The following DBNL variants were observed in gnomAD, a reference collection of about 807,000 sequenced individuals.
The protein encoded by DBNL is drebrin like.
A neutral mutation model predicts 62.2 loss-of-function variants in DBNL; 35 were observed. That is an observed-to-expected ratio of 0.56 (90% CI 0.43 to 0.75). The LOEUF is 0.75. DBNL is among the 30% of genes least tolerant of loss of function. The pLI, the probability that DBNL is intolerant of heterozygous loss-of-function variation, is 0.00. For synonymous variants in DBNL, 197 were observed against 218.0 expected (o/e 0.90, Z 0.85); for missense variants, 495 against 578.4 (o/e 0.86, Z 1.48).
At chr7:44,050,391 C>A in intron 2 of DBNL, 111 bp downstream of exon 2, 1 of 1,109,522 alleles carries the variant, frequency 9.0e-7, no homozygotes, top group Non-Finnish European at 1.4e-6. Flanking sequence ...GCTTCCAGTG[C>A]TCACTGGCCA....
In DBNL at chr7:44,059,076, T is replaced by C; in HGVS notation, c.835+93T>C. 7.3e-7 allele frequency: 1 copy of C among 1,373,790 alleles called. No homozygotes were observed. The highest frequency in any genetic ancestry group is 1.0e-6 in the Non-Finnish European group (1 of 979,684). The allele number at this position is 1,373,790 out of a possible 1,614,324, so 85.1% of individuals were successfully genotyped here. ...GGGCTCCCCCAAGGCTAGTGACAGATATATCGGTGACGGGTGAGTGAGTGA... is the reference window on the plus strand; with the variant it reads ...GGGCTCCCCCAAGGCTAGTGACAGACATATCGGTGACGGGTGAGTGAGTGA... On this transcript the variant is annotated intron_variant, in intron 9 of 12. Coordinates refer to ENST00000448521, the MANE Select transcript of DBNL (RefSeq NM_001014436.3). This position sits in a 1 kb window ranked among gnomAD's most constrained non-coding sequence, Gnocchi z 4.1.
Position 44,059,458 on chromosome 7 carries a change from C to G in DBNL, c.931+9C>G. On this transcript the variant is annotated intron_variant, in intron 10 of 12. Coordinates refer to ENST00000448521, the MANE Select transcript of DBNL (RefSeq NM_001014436.3). This position sits in a 1 kb window ranked among gnomAD's most constrained non-coding sequence, Gnocchi z 4.1. ...CTCAAGGCCCAGGGCAGGCAAGGCG[C>G]TTGTCACCCCATGGGGACCCTGGGG... 6.2e-7 allele frequency: 1 copy of G among 1,613,942 alleles called. No individual in the cohort carries two copies. Among genetic ancestry groups the G allele is most frequent in the Non-Finnish European group, 8.5e-7 (1 of 1,179,966 alleles).
At chr7:44,053,700 T>G (rs1019387896) in intron 4 of DBNL, among the ~76,000 whole-genome samples, 4 of 150,764 alleles carry the variant, frequency 2.7e-5, no homozygotes, top group African/African-American at 7.3e-5. Flanking sequence ...TTTTTGAGAC[T>G]GAGTCTCGCT....
Position 44,062,640 on chromosome 7 carries a change from G to T in DBNL, c.*1724G>T. On this transcript the variant is annotated 3_prime_UTR_variant, in exon 13 of 13. Coordinates refer to ENST00000448521, the MANE Select transcript of DBNL (RefSeq NM_001014436.3). ...GGTGACACACGTATGGAGTGGGGGA[G>T]GGTGGGTGGCTGCACCCCTGGTTCT... 2 of 952,512 alleles carry T rather than the reference G, an allele frequency of 2.1e-6. No homozygotes were observed. The highest frequency in any genetic ancestry group is 1.5e-5 in the South Asian group (1 of 68,492). 59.0% of individuals were successfully genotyped at this position (952,512 alleles called of 1,614,324 possible). A position where few individuals can be genotyped will look rare whatever the true frequency, so the allele number is the denominator to read the frequency against.
At position 44,060,947 on chromosome 7, in the gene DBNL, C is replaced by T; in HGVS notation, c.*31C>T. ...AGGGCACATCTTGCCCTTCCCCTCT[C>T]AGACATGGCTTCCTTATTGCTGGAA... On this transcript the variant is annotated 3_prime_UTR_variant, in exon 13 of 13. Transcript: ENST00000448521. The surrounding 1 kb of genome is among the most constrained non-coding windows in gnomAD (Gnocchi z 6.3). 6.2e-7 allele frequency: 1 copy of T among 1,605,344 alleles called. No individual in the cohort carries two copies. The highest frequency in any genetic ancestry group is 1.7e-4 in the Middle Eastern group (1 of 6,008).
At position 44,065,072 on chromosome 7, in the gene DBNL, C is replaced by G; in HGVS notation, c.*4156C>G. ...GCCAGTGGGCCCCCACCCGACTCCC[C>G]ACTCTGCAGCTTCCCAGAGGCCTTC... is the stretch of plus-strand genomic sequence containing the variant. On this transcript the variant is annotated 3_prime_UTR_variant, in exon 13 of 13. Coordinates refer to ENST00000448521, the MANE Select transcript of DBNL (RefSeq NM_001014436.3). 6.2e-7 allele frequency: 1 copy of G among 1,611,874 alleles called. No homozygotes were observed. The highest frequency in any genetic ancestry group is 8.5e-7 in the Non-Finnish European group (1 of 1,179,934).
At chr7:44,047,912 T>C (rs936162348) in intron 1 of DBNL, among the ~76,000 whole-genome samples, 10 of 2,066 alleles carry the variant, frequency 4.8e-3, no homozygotes, top group African/African-American at 0.024. Flanking sequence ...CTGAGTCCCT[T>C]TTTTTTTTTT....
At chr7:44,054,274 C>T (rs986279836) in intron 4 of DBNL, among the ~76,000 whole-genome samples, 2 of 152,080 alleles carry the variant, frequency 1.3e-5, no homozygotes, top group Admixed American at 6.5e-5. Context: ...CTCACTGCAA[C>T]CTCTGCCTCC....
At position 44,064,783 on chromosome 7, in the gene DBNL, T is replaced by G. The variant is rs761917835; in HGVS notation, c.*3867T>G. On this transcript the variant is annotated 3_prime_UTR_variant, in exon 13 of 13. Coordinates refer to ENST00000448521, the MANE Select transcript of DBNL (RefSeq NM_001014436.3). The stretch of plus-strand genomic sequence containing the variant: ...GACTTTGCTGAGATGAGAAGCCAGC[T>G]GGGGCTGCTGCCCACCCACCCTGCC... The G allele has an allele frequency of 1.2e-5, 17 of 1,466,154 alleles. No homozygotes were observed. The highest frequency in any genetic ancestry group is 1.2e-5 in the Non-Finnish European group (13 of 1,073,950). The allele number at this position is 1,466,154 out of a possible 1,614,324, so 90.8% of individuals were successfully genotyped here.
In DBNL at chr7:44,069,202, G is replaced by A. The variant is rs1258491311; in HGVS notation, c.*8286G>A. 1 of 152,222 alleles carries A rather than the reference G, an allele frequency of 6.6e-6. No homozygotes were observed. The highest frequency in any genetic ancestry group is 2.4e-5 in the African/African-American group (1 of 41,458). The allele number at this position is 152,222 out of a possible 1,614,324, so 9.4% of individuals were successfully genotyped here. On this transcript the variant is annotated 3_prime_UTR_variant, in exon 13 of 13. Coordinates refer to ENST00000448521, the MANE Select transcript of DBNL (RefSeq NM_001014436.3). ...GGCAATTCAAAACTTTGGGAATGCA[G>A]GAAGAACATCATAAATGGCAAAAGT... is the stretch of plus-strand genomic sequence containing the variant.
intron 1 of DBNL, among the ~76,000 whole-genome samples, chr7:44,049,506 G>A (rs1408514818): frequency 6.6e-6 from 1 of 152,222 alleles, no homozygotes; most frequent in Non-Finnish European, 1.5e-5. Context: ...AGAAAGCCAT[G>A]GCCCCATGTC....
Position 44,065,464 on chromosome 7 carries a change from G to GA in DBNL, c.*4551dup, listed in dbSNP as rs763369740. 1 of 1,614,012 alleles carries GA rather than the reference G, an allele frequency of 6.2e-7. No individual in the cohort carries two copies. Among genetic ancestry groups the GA allele is most frequent in the African/African-American group, 1.3e-5 (1 of 74,944 alleles). The stretch of plus-strand genomic sequence containing the variant: ...TCAGCTCTGCATCGAACCAGCCACA[G>GA]AAACGGTTCTCCTGGTTCCATGTGC... On this transcript the variant is annotated 3_prime_UTR_variant, in exon 13 of 13. Coordinates refer to ENST00000448521, the MANE Select transcript of DBNL (RefSeq NM_001014436.3).
rs534828322 is a variant in DBNL at position 44,061,051 on chromosome 7, C to T, written c.*135C>T. On this transcript the variant is annotated 3_prime_UTR_variant, in exon 13 of 13. Transcript: ENST00000448521. ...GAGGATGAGGCCTCAGGGCTCCCTC[C>T]GGCTTGGCAGACTCAGCCTGTCACC... is the stretch of plus-strand genomic sequence containing the variant. 314 of 1,261,038 alleles carry T rather than the reference C, an allele frequency of 2.5e-4. No individual in the cohort carries two copies. The highest frequency in any genetic ancestry group is 3.1e-4 in the Non-Finnish European group (289 of 937,628). The allele number at this position is 1,261,038 out of a possible 1,614,324, so 78.1% of individuals were successfully genotyped here.
intron 6 of DBNL, 29 bp from the exon 7 acceptor site, chr7:44,058,100 G>A: frequency 1.3e-6 from 2 of 1,551,234 alleles, no homozygotes; most frequent in Non-Finnish European, 1.7e-6. Context: ...GGCAGCATAG[G>A]GCTGAGCGGG....
chr7:44,052,743 A>C (rs2096128804), intron 3 of DBNL, 124 bp from the exon 4 acceptor site: 1 of 1,121,290 alleles, frequency 8.9e-7, no homozygotes, highest in African/African-American at 1.5e-5. Flanking sequence ...AGTCAGAAGA[A>C]TAGGTTCTGC....
At chr7:44,053,100 T>C in intron 4 of DBNL, 159 bp downstream of exon 4, 1 of 1,016,100 alleles carries the variant, frequency 9.8e-7, no homozygotes, top group Non-Finnish European at 1.4e-6. Context: ...CAGAGGCTGC[T>C]TCACTCTCGG....
intron 1 of DBNL, among the ~76,000 whole-genome samples, chr7:44,047,796 T>C (rs1042598882): frequency 9.9e-5 from 15 of 152,060 alleles, no homozygotes; most frequent in African/African-American, 2.4e-5. Flanking sequence ...GAACTGGGAA[T>C]GAGCCTCTGC....
In DBNL at chr7:44,067,767, G is replaced by C. The variant is rs1194072027; in HGVS notation, c.*6851G>C. 6.6e-6 allele frequency: 1 copy of C among 152,250 alleles called. No individual in the cohort carries two copies. Among genetic ancestry groups the C allele is most frequent in the East Asian group, 1.9e-4 (1 of 5,198 alleles). The allele number at this position is 152,250 out of a possible 1,614,324, so 9.4% of individuals were successfully genotyped here. ...GAAGGTGGAGGGAGCATCTTCCCATGTCTCTCCCACTGACAGCCACCAATC... is the reference window on the plus strand; with the variant it reads ...GAAGGTGGAGGGAGCATCTTCCCATCTCTCTCCCACTGACAGCCACCAATC... On this transcript the variant is annotated 3_prime_UTR_variant, in exon 13 of 13. Transcript: ENST00000448521.
intron 4 of DBNL, among the ~76,000 whole-genome samples, chr7:44,055,152 G>A (rs80264205): frequency 0.011 from 1,637 of 152,258 alleles, 41 homozygotes; most frequent in African/African-American, 0.037. Flanking sequence ...CTTTTAGTAG[G>A]ACTAAAATAC....
Sources: gnomAD v4.1 joint callset for allele counts (sites outside exome capture counted in the v4.1 genomes callset) on GRCh38, gnomAD v4.1.1 for gene constraint, Gnocchi (gnomAD v3.1) non-coding constraint, MANE v1.5 for transcripts, NCBI Gene and HGNC (gene_info 2026-07-23, HGNC 2026-07-21) for gene names.